CRTAP: variants seen among roughly 807,000 people sequenced by gnomAD.
CRTAP encodes cartilage-associated protein.
CRTAP carries 33 observed loss-of-function variants against 42.7 expected under a neutral mutation model. The observed-to-expected ratio is 0.77, with a 90% confidence interval of 0.59 to 1.03. CRTAP has a LOEUF of 1.03. Among genes scored for constraint, CRTAP ranks in the 50% least tolerant of loss-of-function variants. CRTAP has a pLI of 0.00. For missense variants in CRTAP, 613 were observed against 533.9 expected (o/e 1.15, Z -1.46); for synonymous variants, 243 against 217.7 (o/e 1.12, Z -1.02).
intron 2 of CRTAP, 39 bp from the exon 3 acceptor site, chr3:33,124,369 C>T: frequency 6.2e-7 from 1 of 1,612,648 alleles, no homozygotes; most frequent in Non-Finnish European, 8.5e-7. Context: ...TCCCTTCACG[C>T]CCAAGAGCGA....
At position 33,129,998 on chromosome 3, in the gene CRTAP, A is replaced by T. The variant is rs755811700; in HGVS notation, c.853A>T (p.Ile285Leu). 1.3e-5 allele frequency: 21 copies of T among 1,613,310 alleles called. No individual in the cohort carries two copies. In the South Asian group the frequency reaches 2.2e-4, roughly 17 times the overall value. The change falls in exon 4 of 7, where the codon ATA becomes TTA. Residue 285 changes from isoleucine (I) to leucine (L), a missense_variant. Coordinates refer to ENST00000320954, the MANE Select transcript of CRTAP (RefSeq NM_006371.5). ...GTGTGAAGAGAACCTCACCCCAGTTATAGGAGGCTATCCGGTTGAGAAATT... is the reference window on the plus strand; with the variant it reads ...GTGTGAAGAGAACCTCACCCCAGTTTTAGGAGGCTATCCGGTTGAGAAATT... ...IQCEENLTPV[I>L]GGYPVEKFVA... is the part of the protein sequence containing the mutation.
At chr3:33,122,382 T>C (rs2029902986) in intron 2 of CRTAP, among the ~76,000 whole-genome samples, 1 of 152,034 alleles carries the variant, frequency 6.6e-6, no homozygotes, top group Non-Finnish European at 1.5e-5. Flanking sequence ...CTGTCTTATT[T>C]CCAGGGCATG....
rs1468902182 is a variant in CRTAP, at chr3:33,114,178, G to T, written c.101G>T (p.Arg34Leu). The stretch of plus-strand genomic sequence containing the variant: ...GCCCAATACGAACGCTACAGCTTCC[G>T]CAGCTTCCCACGGGACGAGCTGATG... Reference protein sequence around the residue: ...GRAQYERYSFRSFPRDELMPL... With the variant: ...GRAQYERYSFLSFPRDELMPL... The change falls in exon 1 of 7, where the codon CGC becomes CTC. Residue 34 changes from arginine (R) to leucine (L), a missense_variant. Transcript: ENST00000320954. 24 of 1,592,020 alleles carry T rather than the reference G, an allele frequency of 1.5e-5. No individual in the cohort carries two copies. The highest frequency in any genetic ancestry group is 2.0e-5 in the Non-Finnish European group (24 of 1,176,042).
At chr3:33,119,970 G>C (rs558101032) in intron 1 of CRTAP, among the ~76,000 whole-genome samples, 84 of 152,290 alleles carry the variant, frequency 5.5e-4, no homozygotes, top group African/African-American at 1.8e-3. Flanking sequence ...ACCAGGAAAT[G>C]AAATAACATG....
In CRTAP at chr3:33,114,551, A is replaced by G. The variant is rs1368344082; in HGVS notation, c.471+3A>G. 1.3e-6 allele frequency: 2 copies of G among 1,578,786 alleles called. No individual in the cohort carries two copies. The highest frequency in any genetic ancestry group is 1.7e-6 in the Non-Finnish European group (2 of 1,163,426). On this transcript the variant is annotated splice_donor_region_variant and intron_variant, in intron 1 of 6. Coordinates refer to ENST00000320954, the MANE Select transcript of CRTAP (RefSeq NM_006371.5). Reference sequence around the variant, plus strand: ...TCCTGCAGTTCGCTTACTTCAAGGCAAGTCCGCCTCGCCCCGTCCCAGGCC... The same window carrying G: ...TCCTGCAGTTCGCTTACTTCAAGGCGAGTCCGCCTCGCCCCGTCCCAGGCC...
intron 4 of CRTAP, among the ~76,000 whole-genome samples, chr3:33,130,515 C>CTTTTT (rs2030223383): frequency 8.2e-6 from 1 of 122,550 alleles, no homozygotes; most frequent in African/African-American, 3.0e-5. Flanking sequence ...TTCTTTCTTT[C>CTTTTT]TTTTCTTTTC....
At chr3:33,131,720 GTAT>G (rs1171099918) in intron 4 of CRTAP, among the ~76,000 whole-genome samples, 2 of 152,066 alleles carry the variant, frequency 1.3e-5, no homozygotes, top group Non-Finnish European at 2.9e-5. Flanking sequence ...AGGGCAGGTG[GTAT>G]TATTTATATT....
chr3:33,122,378 T>G (rs1645060789), intron 2 of CRTAP, among the ~76,000 whole-genome samples: 1 of 151,996 alleles, frequency 6.6e-6, no homozygotes, highest in African/African-American at 2.4e-5. Flanking sequence ...CAGCCTGTCT[T>G]ATTTCCAGGG....
At chr3:33,133,220 G>A (rs575603684) in intron 5 of CRTAP, among the ~76,000 whole-genome samples, 6 of 150,434 alleles carry the variant, frequency 4.0e-5, no homozygotes, top group African/African-American at 7.3e-5. Context: ...TTTCTCTCTC[G>A]GAAAACAAAA....
chr3:33,121,320 G>A (rs1210276127), intron 2 of CRTAP, among the ~76,000 whole-genome samples: 1 of 151,984 alleles, frequency 6.6e-6, no homozygotes, highest in Non-Finnish European at 1.5e-5. Context: ...GCTGAGGCAG[G>A]AGAATCACTT....
At chr3:33,119,923 G>T (rs1237283209) in intron 1 of CRTAP, among the ~76,000 whole-genome samples, 2 of 152,184 alleles carry the variant, frequency 1.3e-5, no homozygotes, top group East Asian at 1.9e-4. Flanking sequence ...CTTCAATTAA[G>T]GGACATAGCA....
intron 6 of CRTAP, among the ~76,000 whole-genome samples, chr3:33,135,979 G>T (rs1475821654): frequency 1.3e-5 from 2 of 152,024 alleles, no homozygotes; most frequent in African/African-American, 4.8e-5. Flanking sequence ...TTTAACTTTA[G>T]AACATTTTTA....
intron 1 of CRTAP, among the ~76,000 whole-genome samples, chr3:33,119,388 G>T (rs763056495): frequency 4.6e-5 from 7 of 152,118 alleles, no homozygotes; most frequent in Non-Finnish European, 8.8e-5. Context: ...GTAGGGTGGC[G>T]TAAAATGCGG....
intron 1 of CRTAP, 100 bp downstream of exon 1, chr3:33,114,648 G>A: frequency 8.8e-7 from 1 of 1,133,458 alleles, no homozygotes; most frequent in Non-Finnish European, 1.3e-6. Flanking sequence ...TGCCCCTCCA[G>A]TTCTAGACCT....
In CRTAP at chr3:33,114,258, G is replaced by A; in HGVS notation, c.181G>A (p.Ala61Thr). Residue 61 changes from alanine (A) to threonine (T), a missense_variant, in exon 1 of 7, where the codon GCC (alanine) becomes ACC (threonine). Transcript: ENST00000320954. ...ALDKYSGEHW[A>T]ESVGYLEISL... ...GGACAAGTACAGCGGCGAGCACTGG[G>A]CCGAGAGCGTGGGCTACCTGGAGAT... 1 of 1,585,876 alleles carries A rather than the reference G, an allele frequency of 6.3e-7. No homozygotes were observed. The highest frequency in any genetic ancestry group is 8.5e-7 in the Non-Finnish European group (1 of 1,172,642).
At chr3:33,115,914 T>C (rs187405516) in intron 1 of CRTAP, among the ~76,000 whole-genome samples, 3 of 151,276 alleles carry the variant, frequency 2.0e-5, no homozygotes, top group Admixed American at 1.3e-4. Context: ...GAATGTTTGT[T>C]CTGGCAATTA....
intron 6 of CRTAP, among the ~76,000 whole-genome samples, chr3:33,135,563 G>T (rs922552545): frequency 6.7e-6 from 1 of 150,192 alleles, no homozygotes; most frequent in Admixed American, 6.6e-5. Context: ...CTGATATTGC[G>T]CCATTGCACT....
At chr3:33,116,088 A>G (rs534790886) in intron 1 of CRTAP, among the ~76,000 whole-genome samples, 2 of 152,318 alleles carry the variant, frequency 1.3e-5, no homozygotes, top group Non-Finnish European at 2.9e-5. Context: ...AACCAAATTT[A>G]GGTCACATAA....
intron 3 of CRTAP, among the ~76,000 whole-genome samples, chr3:33,125,978 T>G (rs891755365): frequency 6.6e-6 from 1 of 152,226 alleles, no homozygotes; most frequent in Admixed American, 6.5e-5. Context: ...TATACGTTAA[T>G]ATGAACTTTA....
Sources: allele counts gnomAD v4.1 joint callset (sites outside exome capture counted in the v4.1 genomes callset), GRCh38; gene constraint gnomAD v4.1.1; transcripts MANE v1.5; gene names NCBI Gene and HGNC (gene_info 2026-07-23, HGNC 2026-07-21).